The following NTRK3 variants were observed in gnomAD, a reference collection of about 807,000 sequenced individuals.
NTRK3 encodes NT-3 growth factor receptor.
In NTRK3, 24 loss-of-function variants were observed where a neutral mutation model predicts 91.7. That is an observed-to-expected ratio of 0.26 (90% CI 0.19 to 0.37). The LOEUF is 0.37. NTRK3 is among the 10% of genes least tolerant of loss of function. NTRK3 has a pLI of 1.00. For synonymous variants in NTRK3, 483 were observed against 404.0 expected (o/e 1.20, Z -2.34); for missense variants, 880 against 1,068.9 (o/e 0.82, Z 2.46).
At chr15:88,122,700 C>G (rs184628067) in intron 13 of NTRK3, among the ~76,000 whole-genome samples, 71 of 152,150 alleles carry the variant, frequency 4.7e-4, no homozygotes, top group African/African-American at 1.7e-3. Context: ...CCCTCCCTAT[C>G]GATACACCTG....
rs2051419136 is a variant in NTRK3, at chr15:88,233,748, C to T, written c.248+22158G>A. Among the ~76,000 whole-genome samples the T allele has an allele frequency of 6.6e-6, 1 of 152,046 alleles. No homozygotes were observed. Among genetic ancestry groups the T allele is most frequent in the South Asian group, 2.1e-4 (1 of 4,814 alleles). ...CTTACTCTCCCTTCCTTCCCTGCCC[C>T]CTTCCTCCCTACACCTTGCTCCTCC... On this transcript the variant is annotated intron_variant, in intron 3 of 18. Coordinates refer to ENST00000394480, the Ensembl canonical transcript of NTRK3. This position sits in a 1 kb window ranked among gnomAD's most constrained non-coding sequence, Gnocchi z 4.2.
At chr15:88,054,750 T>TTGA (rs760244120) in intron 13 of NTRK3, among the ~76,000 whole-genome samples, 119 of 151,946 alleles carry the variant, frequency 7.8e-4, no homozygotes, top group Middle Eastern at 6.8e-3. Flanking sequence ...TCTGAAAATA[T>TTGA]TGATGATGAT....
intron 14 of NTRK3, among the ~76,000 whole-genome samples, chr15:88,030,588 T>A (rs1386364487): frequency 6.6e-6 from 1 of 152,178 alleles, no homozygotes; most frequent in Non-Finnish European, 1.5e-5. Context: ...GGGATCCTCA[T>A]TATTCACAGA....
intron 14 of NTRK3, among the ~76,000 whole-genome samples, chr15:87,982,127 G>A (rs191038945): frequency 3.9e-5 from 6 of 152,254 alleles, no homozygotes; most frequent in Admixed American, 6.5e-5. Context: ...AGCTGCCTTC[G>A]TGAACATGAG....
chr15:88,112,105 A>G (rs1408476933), intron 13 of NTRK3, among the ~76,000 whole-genome samples: 1 of 152,068 alleles, frequency 6.6e-6, no homozygotes, highest in Non-Finnish European at 1.5e-5. Flanking sequence ...ACAGGGTTTC[A>G]CAATGTTAGC....
In NTRK3 at chr15:88,147,505, CCTTCTTCTTCTTCTTCTTCTTCTT is replaced by C. The variant is rs34299110; in HGVS notation, c.396-126_396-103del. The stretch of plus-strand genomic sequence containing the variant: ...TTTCACTGGAGCCTGGCTTTGTTTT[CCTTCTTCTTCTTCTTCTTCTTCTT>C]CTTCTTCTTCTTCTTCTTCTTCTTC... On this transcript the variant is annotated intron_variant, in intron 5 of 18. Transcript: ENST00000394480. The C allele has an allele frequency of 0.012, 7,772 of 649,238 alleles. 217 individuals carry two copies. The East Asian group carries it at 0.12, about 10-fold the overall frequency. 40.2% of individuals were successfully genotyped at this position (649,238 alleles called of 1,614,324 possible).
At chr15:88,115,410 A>T (rs1324684807) in intron 13 of NTRK3, among the ~76,000 whole-genome samples, 2 of 152,220 alleles carry the variant, frequency 1.3e-5, no homozygotes, top group Non-Finnish European at 2.9e-5. Context: ...CACCTCCTTC[A>T]ACTGGTCCAA....
chr15:88,075,504 T>C (rs2047460251), intron 13 of NTRK3, among the ~76,000 whole-genome samples: 2 of 152,236 alleles, frequency 1.3e-5, no homozygotes, highest in African/African-American at 4.8e-5. Flanking sequence ...CCCCACTGTG[T>C]CCCTAAAGAG....
At chr15:87,976,135 C>T (rs1359207472) in intron 14 of NTRK3, among the ~76,000 whole-genome samples, 5 of 152,134 alleles carry the variant, frequency 3.3e-5, no homozygotes, top group African/African-American at 7.2e-5. Context: ...AGTTCTCCCT[C>T]GAACCAGTGC....
intron 17 of NTRK3, among the ~76,000 whole-genome samples, chr15:87,899,308 T>C (rs948179773): frequency 1.3e-5 from 2 of 152,146 alleles, no homozygotes; most frequent in African/African-American, 4.8e-5. Context: ...CGTAAGGCTG[T>C]CTTGAGGAAA....
chr15:87,943,126 G>T (rs2070069610), intron 14 of NTRK3, among the ~76,000 whole-genome samples: 1 of 152,148 alleles, frequency 6.6e-6, no homozygotes, highest in African/African-American at 2.4e-5. Context: ...AATCTAGTAG[G>T]TCCAGGTTGA....
At chr15:88,181,525 A>G (rs1328120603) in intron 5 of NTRK3, among the ~76,000 whole-genome samples, 1 of 152,058 alleles carries the variant, frequency 6.6e-6, no homozygotes, top group African/African-American at 2.4e-5. Context: ...CGTGCCCTAG[A>G]AGGTTCTGAG....
At chr15:88,202,289 C>T (rs899969252) in intron 3 of NTRK3, among the ~76,000 whole-genome samples, 4 of 152,156 alleles carry the variant, frequency 2.6e-5, no homozygotes, top group Admixed American at 1.3e-4. Context: ...ACTTCACTTC[C>T]GTTCGACATC....
At chr15:87,880,147 C>T (rs990514227) in intron 18 of NTRK3, 123 bp downstream of exon 19, 1 of 1,230,496 alleles carries the variant, frequency 8.1e-7, no homozygotes, top group Non-Finnish European at 1.2e-6. Context: ...CCCACTAATG[C>T]CTGCATTCAC....
At chr15:88,206,441 G>C (rs867678926) in intron 3 of NTRK3, among the ~76,000 whole-genome samples, 2 of 149,414 alleles carry the variant, frequency 1.3e-5, no homozygotes, top group Admixed American at 1.3e-4. Flanking sequence ...GGCGGATCAC[G>C]AGGTCAGGAG....
At chr15:88,066,976 C>T (rs1447296979) in intron 13 of NTRK3, among the ~76,000 whole-genome samples, 1 of 152,232 alleles carries the variant, frequency 6.6e-6, no homozygotes, top group Non-Finnish European at 1.5e-5. Context: ...CCTGCATCAA[C>T]TTAAAAGGCT....
At chr15:88,063,272 A>G (rs2046372525) in intron 13 of NTRK3, among the ~76,000 whole-genome samples, 1 of 152,238 alleles carries the variant, frequency 6.6e-6, no homozygotes, top group Non-Finnish European at 1.5e-5. Flanking sequence ...CCTGCCCGAC[A>G]TCATTTCTTG....
Position 87,884,346 on chromosome 15 carries a change from T to A in NTRK3, c.2134-3918A>T, listed in dbSNP as rs536013387. Among the ~76,000 whole-genome samples, 7 of 151,794 alleles carry A rather than the reference T, an allele frequency of 4.6e-5. No individual in the cohort carries two copies. The South Asian group carries it at 1.5e-3, about 31-fold the overall frequency. On this transcript the variant is annotated intron_variant, in intron 17 of 18. Transcript: ENST00000394480. ...AAACCATAATTGTAAAAAAAATCTA[T>A]ACATTAAAAAACTAGAAGGTTCAGA...
At chr15:88,158,467 G>T (rs1055887777) in intron 5 of NTRK3, among the ~76,000 whole-genome samples, 2 of 152,320 alleles carry the variant, frequency 1.3e-5, no homozygotes, top group Middle Eastern at 3.4e-3. Flanking sequence ...CCTGGGCAGG[G>T]CCTGAGGTCC....
Sources: allele counts gnomAD v4.1 joint callset (sites outside exome capture counted in the v4.1 genomes callset), GRCh38; gene constraint gnomAD v4.1.1; non-coding constraint Gnocchi (gnomAD v3.1); transcripts MANE v1.5; gene names NCBI Gene and HGNC (gene_info 2026-07-23, HGNC 2026-07-21).